The following PKP2 variants were observed in gnomAD, a reference collection of about 807,000 sequenced individuals.
The protein encoded by PKP2 is plakophilin-2.
PKP2 carries 73 observed loss-of-function variants against 83.4 expected under a neutral mutation model. The observed-to-expected ratio is 0.88, with a 90% CI of 0.72 to 1.06. The LOEUF (loss-of-function observed/expected upper bound fraction) is 1.06, where lower values mean the gene tolerates loss of function less well. PKP2 is among the 50% of genes least tolerant of loss of function. PKP2 has a pLI of 0.00. For missense variants in PKP2, 966 were observed against 1,065.4 expected (o/e 0.91, Z 1.30); for synonymous variants, 409 against 430.4 (o/e 0.95, Z 0.62).
At chr12:32,853,570 G>C (rs1176037712) in intron 4 of PKP2, among the ~76,000 whole-genome samples, 2 of 148,382 alleles carry the variant, frequency 1.3e-5, no homozygotes, top group South Asian at 4.2e-4. Context: ...GCAGTGACAC[G>C]ATCTTGGCTC....
intron 11 of PKP2, among the ~76,000 whole-genome samples, chr12:32,793,172 C>T (rs1398949231): frequency 9.2e-5 from 14 of 151,986 alleles, no homozygotes; most frequent in Non-Finnish European, 1.6e-4. Context: ...ACCCGGGAGG[C>T]GGAGGTTGCA....
At chr12:32,871,387 C>T (rs1427302186) in intron 3 of PKP2, among the ~76,000 whole-genome samples, 1 of 152,134 alleles carries the variant, frequency 6.6e-6, no homozygotes, top group Non-Finnish European at 1.5e-5. Context: ...CCTCAACCTC[C>T]TGGGCTCAAG....
chr12:32,826,756 T>C (rs189522980), intron 6 of PKP2, among the ~76,000 whole-genome samples: 2 of 152,346 alleles, frequency 1.3e-5, no homozygotes, highest in African/African-American at 4.8e-5. Context: ...TTAAGAATCA[T>C]GGGGATTCAG....
intron 6 of PKP2, among the ~76,000 whole-genome samples, chr12:32,840,713 C>T (rs1461510645): frequency 1.3e-5 from 2 of 152,116 alleles, no homozygotes; most frequent in Non-Finnish European, 2.9e-5. Context: ...AAATAAACAT[C>T]TTATCATAAT....
chr12:32,880,687 C>T (rs1459373477), intron 1 of PKP2, among the ~76,000 whole-genome samples: 1 of 152,162 alleles, frequency 6.6e-6, no homozygotes, highest in Non-Finnish European at 1.5e-5. Context: ...CAACTGATGC[C>T]TGTCTCATAT....
intron 1 of PKP2, among the ~76,000 whole-genome samples, chr12:32,895,257 A>G (rs1368921599): frequency 6.6e-6 from 1 of 152,142 alleles, no homozygotes; most frequent in Non-Finnish European, 1.5e-5. Flanking sequence ...CATAGTATGC[A>G]CTCAGTTATA....
At chr12:32,874,483 G>A (rs1203096950) in intron 3 of PKP2, among the ~76,000 whole-genome samples, 1 of 152,098 alleles carries the variant, frequency 6.6e-6, no homozygotes, top group Non-Finnish European at 1.5e-5. Flanking sequence ...TGATTTCTAT[G>A]ATTTCTACTC....
chr12:32,831,811 C>T (rs896277356), intron 6 of PKP2, among the ~76,000 whole-genome samples: 1 of 152,100 alleles, frequency 6.6e-6, no homozygotes, highest in African/African-American at 2.4e-5. Context: ...GAACAGGGAC[C>T]TTTGTAAGGT....
intron 5 of PKP2, among the ~76,000 whole-genome samples, chr12:32,846,745 C>T (rs76556197): frequency 1.3e-5 from 1 of 74,896 alleles, no homozygotes; most frequent in African/African-American, 5.6e-5. Context: ...AACTTCTTCT[C>T]AAAAAAAAAA....
At chr12:32,800,071 T>C (rs1352525108) in intron 10 of PKP2, among the ~76,000 whole-genome samples, 1 of 152,236 alleles carries the variant, frequency 6.6e-6, no homozygotes, top group Non-Finnish European at 1.5e-5. Context: ...CTAACCACTT[T>C]AGACTCTTCT....
At chr12:32,826,457 C>G (rs922311236) in intron 6 of PKP2, among the ~76,000 whole-genome samples, 34 of 152,170 alleles carry the variant, frequency 2.2e-4, no homozygotes, top group African/African-American at 6.7e-4. Context: ...TTTCATGATT[C>G]AACGTGACAG....
intron 7 of PKP2, 74 bp from the exon 8 acceptor site, chr12:32,822,705 G>T: frequency 6.6e-7 from 1 of 1,518,420 alleles, no homozygotes; most frequent in Non-Finnish European, 9.1e-7. Flanking sequence ...CAGGACACAG[G>T]CTTTAGCTCT....
At chr12:32,883,495 TATAAA>T (rs1290654945) in intron 1 of PKP2, among the ~76,000 whole-genome samples, 10 of 152,328 alleles carry the variant, frequency 6.6e-5, no homozygotes, top group African/African-American at 1.9e-4. Context: ...CCGTTGAACA[TATAAA>T]ATAACTCAGC....
At chr12:32,821,233 G>A (rs1956372077) in intron 9 of PKP2, 123 bp downstream of exon 9, 1 of 920,792 alleles carries the variant, frequency 1.1e-6, no homozygotes, top group Non-Finnish European at 1.7e-6. Context: ...TAATTTCTGA[G>A]AATTGTCTTT....
chr12:32,838,422 C>T (rs116884620), intron 6 of PKP2, among the ~76,000 whole-genome samples: 3,384 of 151,798 alleles, frequency 0.022, 59 homozygotes, highest in African/African-American at 0.045. Context: ...GGCCAAACCT[C>T]GGCATCACGC....
intron 5 of PKP2, among the ~76,000 whole-genome samples, chr12:32,845,625 T>C (rs972083688): frequency 1.6e-4 from 24 of 152,186 alleles, no homozygotes; most frequent in African/African-American, 5.3e-4. Flanking sequence ...TTAACAAATC[T>C]GCCTTAACAC....
At chr12:32,870,262 T>C (rs1348930620) in intron 3 of PKP2, among the ~76,000 whole-genome samples, 1 of 151,872 alleles carries the variant, frequency 6.6e-6, no homozygotes, top group African/African-American at 2.4e-5. Context: ...TGTGTACAGG[T>C]GTTAGTGTGT....
intron 1 of PKP2, among the ~76,000 whole-genome samples, chr12:32,887,050 CAG>C (rs1416007942): frequency 6.6e-6 from 1 of 151,470 alleles, no homozygotes; most frequent in Admixed American, 6.6e-5. Flanking sequence ...TGTTTCAAAG[CAG>C]ATGAAAGTCT....
intron 6 of PKP2, among the ~76,000 whole-genome samples, chr12:32,835,699 GTGATGTTAAAGTAGTCAACTAA>G (rs1956540779): frequency 4.6e-5 from 7 of 152,326 alleles, no homozygotes; most frequent in Admixed American, 2.0e-4. Context: ...TATCTAGATT[GTGATGTTAAAGTAGTCAACTAA>G]TGGAAATTCA....
Sources: gnomAD v4.1 joint callset for allele counts (sites outside exome capture counted in the v4.1 genomes callset) on GRCh38, gnomAD v4.1.1 for gene constraint, MANE v1.5 for transcripts, NCBI Gene and HGNC (gene_info 2026-07-23, HGNC 2026-07-21) for gene names.